The following JMJD1C variants were observed in gnomAD, a reference collection of about 807,000 sequenced individuals.
JMJD1C encodes the protein jumonji domain containing 1C.
In JMJD1C, 31 loss-of-function variants were observed where a neutral mutation model predicts 245.3. That is an observed-to-expected ratio of 0.13 (90% CI 0.09 to 0.17). JMJD1C has a LOEUF of 0.17. JMJD1C is among the 10% of genes least tolerant of loss of function. The pLI, the probability that JMJD1C is intolerant of heterozygous loss-of-function variation, is 1.00. For synonymous variants in JMJD1C, 1,057 were observed against 1,017.4 expected, an observed-to-expected ratio of 1.04 and a Z score of -0.74; for missense variants, 2,691 against 3,000.2, an observed-to-expected ratio of 0.90 and a Z score of 2.41.
At chr10:63,379,601 A>C (rs1190093390) in intron 2 of JMJD1C, among the ~76,000 whole-genome samples, 1 of 152,216 alleles carries the variant, frequency 6.6e-6, no homozygotes, top group Non-Finnish European at 1.5e-5. Flanking sequence ...ACAAACCAAG[A>C]AGAATTACTC....
chr10:63,450,428 G>A (rs559590147), intron 1 of JMJD1C, among the ~76,000 whole-genome samples: 2 of 151,938 alleles, frequency 1.3e-5, no homozygotes, highest in East Asian at 3.9e-4. Flanking sequence ...ACTACTGCCT[G>A]GGTAAAAGAG....
intron 2 of JMJD1C, among the ~76,000 whole-genome samples, chr10:63,302,022 C>T (rs1010233045): frequency 3.3e-5 from 5 of 152,030 alleles, no homozygotes; most frequent in African/African-American, 4.8e-5. Flanking sequence ...TTATTAAACT[C>T]TTTTTTTCCC....
chr10:63,461,900 T>A (rs989429876), intron 1 of JMJD1C, among the ~76,000 whole-genome samples: 1 of 152,088 alleles, frequency 6.6e-6, no homozygotes, highest in Non-Finnish European at 1.5e-5. Flanking sequence ...GGAGAGTAAA[T>A]TGATGTCTGC....
chr10:63,490,005 C>A (rs1954116578), intron 1 of JMJD1C, among the ~76,000 whole-genome samples: 3 of 152,214 alleles, frequency 2.0e-5, no homozygotes, highest in Admixed American at 2.0e-4. Flanking sequence ...GTGAACTGAG[C>A]ACACGAAGGA....
At chr10:63,450,908 T>TCA (rs1033337986) in intron 1 of JMJD1C, among the ~76,000 whole-genome samples, 3 of 125,046 alleles carry the variant, frequency 2.4e-5, no homozygotes, top group African/African-American at 7.9e-5. Flanking sequence ...CCTAACAATT[T>TCA]CACACACACA....
chr10:63,487,047 A>G (rs1954022243), intron 1 of JMJD1C, among the ~76,000 whole-genome samples: 1 of 152,232 alleles, frequency 6.6e-6, no homozygotes, highest in African/African-American at 2.4e-5. Flanking sequence ...AAATTGAAGG[A>G]GGACAAAGAT....
At position 63,328,413 on chromosome 10, in the gene JMJD1C, A is replaced by G. The variant is rs544614458; in HGVS notation, c.333+51905T>C. 3.9e-5 allele frequency among the ~76,000 whole-genome samples: 6 copies of G among 152,370 alleles called. No homozygotes were observed. In the South Asian group the frequency reaches 6.2e-4, roughly 16 times the overall value. On this transcript the variant is annotated intron_variant, in intron 2 of 25. Coordinates refer to ENST00000399262, the MANE Select transcript of JMJD1C (RefSeq NM_032776.3). ...AACCTTTGATTTTGCATATACTTAA[A>G]AAAGAGCTCCCACTGCAAATTCATT...
At position 63,206,579 on chromosome 10, in the gene JMJD1C, AAAGT is replaced by A. The variant is rs1846652226; in HGVS notation, c.5074+12_5074+15del. On this transcript the variant is annotated intron_variant, in intron 10 of 25. Coordinates refer to ENST00000399262, the MANE Select transcript of JMJD1C (RefSeq NM_032776.3). ...CAGCCCATTTTACCTGAGATAAAAC[AAAGT>A]AACTGACTTACTATTACTGTTGCTT... The A allele has an allele frequency of 4.5e-6, 7 of 1,551,480 alleles. No individual in the cohort carries two copies. The highest frequency in any genetic ancestry group is 6.1e-6 in the Non-Finnish European group (7 of 1,153,622).
intron 1 of JMJD1C, among the ~76,000 whole-genome samples, chr10:63,516,933 G>T (rs985808431): frequency 6.6e-6 from 1 of 151,976 alleles, no homozygotes; most frequent in Non-Finnish European, 1.5e-5. Context: ...TTCCATAAGC[G>T]ACTGCCTGAG....
At chr10:63,371,471 A>G (rs978418279) in intron 2 of JMJD1C, among the ~76,000 whole-genome samples, 2 of 152,158 alleles carry the variant, frequency 1.3e-5, no homozygotes, top group Non-Finnish European at 2.9e-5. Flanking sequence ...TTCCTCTTTA[A>G]TAAGACTGCA....
chr10:63,350,642 A>T (rs1944274851), intron 2 of JMJD1C, among the ~76,000 whole-genome samples: 1 of 142,208 alleles, frequency 7.0e-6, no homozygotes, highest in African/African-American at 2.7e-5. Context: ...TTTGAGACGG[A>T]GTCTCACTCT....
intron 1 of JMJD1C, among the ~76,000 whole-genome samples, chr10:63,384,341 T>C (rs1019516820): frequency 2.0e-5 from 3 of 152,200 alleles, no homozygotes; most frequent in African/African-American, 7.2e-5. Flanking sequence ...TCAGTTTACT[T>C]TGCTCAGATC....
At chr10:63,235,287 C>G (rs1850596707) in intron 3 of JMJD1C, among the ~76,000 whole-genome samples, 1 of 152,018 alleles carries the variant, frequency 6.6e-6, no homozygotes, top group South Asian at 2.1e-4. Flanking sequence ...CCTGAGGTCA[C>G]GAGTTCGAGA....
At chr10:63,377,802 G>A (rs1019122097) in intron 2 of JMJD1C, among the ~76,000 whole-genome samples, 1 of 151,912 alleles carries the variant, frequency 6.6e-6, no homozygotes, top group Non-Finnish European at 1.5e-5. Context: ...AGGCCAAGGT[G>A]GGAGGATCTT....
chr10:63,464,440 G>GA (rs35290825), intron 1 of JMJD1C, among the ~76,000 whole-genome samples: 63,889 of 151,846 alleles, frequency 0.42, 14,168 homozygotes, highest in South Asian at 0.53. Context: ...CACACAAAGG[G>GA]AAAAAAATTT....
At chr10:63,195,065 T>C (rs889410369) in intron 13 of JMJD1C, among the ~76,000 whole-genome samples, 27 of 152,052 alleles carry the variant, frequency 1.8e-4, no homozygotes, top group Non-Finnish European at 5.9e-5. Flanking sequence ...TAAAAAAATC[T>C]AGAACTAGAC....
At chr10:63,392,694 A>G (rs1360923239) in intron 1 of JMJD1C, among the ~76,000 whole-genome samples, 1 of 151,624 alleles carries the variant, frequency 6.6e-6, no homozygotes, top group East Asian at 1.9e-4. Context: ...GCGTGGTGGC[A>G]TGCACCTGTA....
At chr10:63,336,987 C>T (rs1942804156) in intron 2 of JMJD1C, among the ~76,000 whole-genome samples, 1 of 151,904 alleles carries the variant, frequency 6.6e-6, no homozygotes, top group Admixed American at 6.6e-5. Context: ...ATTACAGGTG[C>T]CCGCCACCAC....
At chr10:63,339,355 T>C (rs992680731) in intron 2 of JMJD1C, among the ~76,000 whole-genome samples, 6 of 152,150 alleles carry the variant, frequency 3.9e-5, no homozygotes, top group Admixed American at 6.5e-5. Flanking sequence ...ACAAAAAAAA[T>C]AGAGCTTCAA....
Sources: gnomAD v4.1 joint callset for allele counts (sites outside exome capture counted in the v4.1 genomes callset) on GRCh38, gnomAD v4.1.1 for gene constraint, MANE v1.5 for transcripts, NCBI Gene and HGNC (gene_info 2026-07-23, HGNC 2026-07-21) for gene names.